The following CRISPLD2 variants were observed in gnomAD, a reference collection of about 807,000 sequenced individuals.
CRISPLD2 encodes the protein cysteine rich secretory protein LCCL domain containing 2.
Under a neutral mutation model 71.1 loss-of-function variants are expected in CRISPLD2, and 47 were observed. The observed-to-expected ratio is 0.66, with a 90% confidence interval of 0.52 to 0.84. The LOEUF (loss-of-function observed/expected upper bound fraction) is 0.84. CRISPLD2 is among the 40% of genes least tolerant of loss of function. CRISPLD2 has a pLI of 0.00. For synonymous variants in CRISPLD2, 317 were observed against 250.1 expected (o/e 1.27, Z -2.52); for missense variants, 830 against 651.1 (o/e 1.27, Z -2.99).
At chr16:84,885,446 G>A (rs138469184) in intron 13 of CRISPLD2, among the ~76,000 whole-genome samples, 94 of 152,322 alleles carry the variant, frequency 6.2e-4, no homozygotes, top group African/African-American at 2.2e-3. Flanking sequence ...GTTCAGACAG[G>A]GAGGCCGGCC....
In CRISPLD2 at chr16:84,907,558, C is replaced by T. The variant is rs2071814804; in HGVS notation, c.*916C>T. ...CTGTTTGAAGCCCAAGTCTTAACTCCTGGTCTCGTAAGGTTCCACTGAGAC... is the reference window on the plus strand; with the variant it reads ...CTGTTTGAAGCCCAAGTCTTAACTCTTGGTCTCGTAAGGTTCCACTGAGAC... On this transcript the variant is annotated 3_prime_UTR_variant, in exon 15 of 15. Transcript: ENST00000262424. The T allele has an allele frequency of 6.6e-6, 1 of 152,238 alleles. No individual in the cohort carries two copies. Among genetic ancestry groups the T allele is most frequent in the African/African-American group, 2.4e-5 (1 of 41,456 alleles). 9.4% of individuals were successfully genotyped at this position (152,238 alleles called of 1,614,324 possible).
intron 6 of CRISPLD2, among the ~76,000 whole-genome samples, chr16:84,855,693 A>C (rs919914719): frequency 4.6e-5 from 7 of 152,140 alleles, no homozygotes; most frequent in Non-Finnish European, 1.0e-4. Flanking sequence ...ATTAACTATC[A>C]CAAGTCCACC....
At chr16:84,872,234 C>T (rs1010796735) in intron 8 of CRISPLD2, among the ~76,000 whole-genome samples, 2 of 152,292 alleles carry the variant, frequency 1.3e-5, no homozygotes, top group Admixed American at 1.3e-4. Context: ...ACCAATCCCC[C>T]ACGGATACCG....
intron 13 of CRISPLD2, among the ~76,000 whole-genome samples, chr16:84,882,308 CTG>C (rs1365532122): frequency 9.0e-6 from 1 of 110,564 alleles, no homozygotes; most frequent in East Asian, 2.5e-4. Flanking sequence ...GGAATAAAAA[CTG>C]TACACACCAA....
At chr16:84,822,361 G>A (rs1370949147) in intron 1 of CRISPLD2, among the ~76,000 whole-genome samples, 3 of 152,202 alleles carry the variant, frequency 2.0e-5, no homozygotes, top group African/African-American at 7.2e-5. Flanking sequence ...TTTGTAAGTT[G>A]CATTTGAAAG....
chr16:84,904,364 T>C (rs982189308), intron 14 of CRISPLD2, among the ~76,000 whole-genome samples: 2 of 151,618 alleles, frequency 1.3e-5, no homozygotes. Flanking sequence ...GAGGGGAGGA[T>C]CACGAAGTCA....
At position 84,901,951 on chromosome 16, in the gene CRISPLD2, A is replaced by G. The variant is rs750732762; in HGVS notation, c.1440-4637A>G. ...TGGGATTACAGGCACCTGCTACCAC[A>G]CCCAGCTAATTTTTGTTTTTGTATT... On this transcript the variant is annotated intron_variant, in intron 14 of 14. Transcript: ENST00000262424. 1.7e-4 allele frequency among the ~76,000 whole-genome samples: 26 copies of G among 150,162 alleles called. 1 individual carries two copies. The highest frequency in any genetic ancestry group is 3.4e-3 in the Middle Eastern group (1 of 290).
chr16:84,894,940 G>T (rs1004031153), intron 14 of CRISPLD2, among the ~76,000 whole-genome samples: 4 of 151,976 alleles, frequency 2.6e-5, no homozygotes, highest in Non-Finnish European at 5.9e-5. Context: ...AGAAACAGAA[G>T]ATACTAAGCT....
chr16:84,831,571 A>G (rs1041105511), intron 1 of CRISPLD2, among the ~76,000 whole-genome samples: 1 of 150,508 alleles, frequency 6.6e-6, no homozygotes, highest in African/African-American at 2.4e-5. Context: ...TAATTTTTTT[A>G]TTATTATTAT....
At chr16:84,871,203 A>G (rs1227152402) in intron 8 of CRISPLD2, among the ~76,000 whole-genome samples, 1 of 152,230 alleles carries the variant, frequency 6.6e-6, no homozygotes, top group East Asian at 1.9e-4. Context: ...TTTCTTAAAC[A>G]TTAGAGTGAT....
rs542699907 is a variant in CRISPLD2 at position 84,869,384 on chromosome 16, G to A, written c.914+473G>A. Among the ~76,000 whole-genome samples, 20 of 152,330 alleles carry A rather than the reference G, an allele frequency of 1.3e-4. No individual in the cohort carries two copies. The East Asian group carries it at 3.1e-3, about 23-fold the overall frequency. Reference sequence around the variant, plus strand: ...GTCATTGGGAGAGGGGACCTTGCTCGTCTTCCTACGAATTCTGGCATCAGT... The same window carrying A: ...GTCATTGGGAGAGGGGACCTTGCTCATCTTCCTACGAATTCTGGCATCAGT... On this transcript the variant is annotated intron_variant, in intron 8 of 14. Coordinates refer to ENST00000262424, the MANE Select transcript of CRISPLD2 (RefSeq NM_031476.4).
chr16:84,868,606 C>T (rs1567694952), intron 7 of CRISPLD2, among the ~76,000 whole-genome samples: 1 of 152,218 alleles, frequency 6.6e-6, no homozygotes, highest in Non-Finnish European at 1.5e-5. Flanking sequence ...TCCGCATTGT[C>T]CATATGCGGA....
At position 84,845,773 on chromosome 16, in the gene CRISPLD2, C is replaced by T. The variant is rs768098910; in HGVS notation, c.241-13C>T. On this transcript the variant is annotated splice_polypyrimidine_tract_variant and intron_variant, in intron 2 of 14. Coordinates refer to ENST00000262424, the MANE Select transcript of CRISPLD2 (RefSeq NM_031476.4). ...CCCTCACCTCCTGGTGCCCGTTTCT[C>T]CTTCTCCTGCAGACCTGGGATGACG... is the stretch of plus-strand genomic sequence containing the variant. The T allele has an allele frequency of 6.3e-6, 10 of 1,592,656 alleles. No individual in the cohort carries two copies. The highest frequency in any genetic ancestry group is 1.7e-5 in the Admixed American group (1 of 59,544).
chr16:84,856,082 T>C (rs1917233097), intron 6 of CRISPLD2, among the ~76,000 whole-genome samples: 1 of 152,272 alleles, frequency 6.6e-6, no homozygotes, highest in South Asian at 2.1e-4. Context: ...CTGCCCATTC[T>C]GTATTCCCTT....
chr16:84,889,406 C>A, intron 14 of CRISPLD2, 43 bp downstream of exon 14: 2 of 1,574,324 alleles, frequency 1.3e-6, no homozygotes, highest in South Asian at 2.3e-5. Context: ...ATCCCGGCTG[C>A]TAATGGTCCC....
At chr16:84,884,922 C>A (rs1244848972) in intron 13 of CRISPLD2, among the ~76,000 whole-genome samples, 1 of 152,230 alleles carries the variant, frequency 6.6e-6, no homozygotes, top group East Asian at 1.9e-4. Context: ...GAGTTTGTGA[C>A]ACCGAAGGGA....
chr16:84,820,429 T>C (rs1237836648), intron 1 of CRISPLD2, among the ~76,000 whole-genome samples: 1 of 152,230 alleles, frequency 6.6e-6, no homozygotes, highest in African/African-American at 2.4e-5. Context: ...CTCTCTTGCC[T>C]TCCTCGTGCA....
rs146707893 is a variant in CRISPLD2 at position 84,898,289 on chromosome 16, G to A, written c.1440-8299G>A. On this transcript the variant is annotated intron_variant, in intron 14 of 14. Coordinates refer to ENST00000262424, the MANE Select transcript of CRISPLD2 (RefSeq NM_031476.4). Reference sequence around the variant, plus strand: ...ATCCTTTCCTGTGTAAGGCTCCCCCGCCAGTGGCTTTCCATTGTACTAAGA... The same window carrying A: ...ATCCTTTCCTGTGTAAGGCTCCCCCACCAGTGGCTTTCCATTGTACTAAGA... 3.1e-4 allele frequency among the ~76,000 whole-genome samples: 47 copies of A among 152,210 alleles called. No individual in the cohort carries two copies. The South Asian group carries it at 6.2e-3, about 20-fold the overall frequency.
intron 8 of CRISPLD2, among the ~76,000 whole-genome samples, chr16:84,869,347 T>C (rs1597468530): frequency 6.6e-6 from 1 of 152,214 alleles, no homozygotes; most frequent in Admixed American, 6.5e-5. Context: ...CAGAGTCAAA[T>C]GGGAAAACCA....
Sources: allele counts gnomAD v4.1 joint callset (sites outside exome capture counted in the v4.1 genomes callset), GRCh38; gene constraint gnomAD v4.1.1; transcripts MANE v1.5; gene names NCBI Gene and HGNC (gene_info 2026-07-23, HGNC 2026-07-21).